Variants in ABTB2 observed in about 807,000 individuals in gnomAD.
The protein encoded by ABTB2 is ankyrin repeat and BTB/POZ domain-containing protein 2.
ABTB2 carries 56 observed loss-of-function variants against 104.1 expected under a neutral mutation model. The ratio of observed to expected loss-of-function variants is 0.54; its 90% CI spans 0.43 to 0.67. The LOEUF (loss-of-function observed/expected upper bound fraction) is 0.67, where lower values mean the gene tolerates loss of function less well. Among genes scored for constraint, ABTB2 ranks in the 30% least tolerant of loss-of-function variants. The pLI, the probability that ABTB2 is intolerant of heterozygous loss-of-function variation, is 0.00. For missense variants in ABTB2, 1,279 were observed against 1,407.7 expected, an observed-to-expected ratio of 0.91 and a Z score of 1.46; for synonymous variants, 606 against 608.2, an observed-to-expected ratio of 1.00 and a Z score of 0.05.
intron 1 of ABTB2, among the ~76,000 whole-genome samples, chr11:34,352,997 G>A (rs1334143523): frequency 6.6e-6 from 1 of 152,208 alleles, no homozygotes; most frequent in African/African-American, 2.4e-5. Flanking sequence ...AGGAGTTCAA[G>A]GTTGCAGTGA....
At chr11:34,327,115 T>C (rs1456086735) in intron 1 of ABTB2, among the ~76,000 whole-genome samples, 5 of 152,078 alleles carry the variant, frequency 3.3e-5, no homozygotes, top group African/African-American at 4.8e-5. Flanking sequence ...TAGGAGATAA[T>C]GGATTATGAG....
At chr11:34,236,884 C>T (rs1274498904) in intron 1 of ABTB2, among the ~76,000 whole-genome samples, 3 of 152,220 alleles carry the variant, frequency 2.0e-5, no homozygotes, top group Non-Finnish European at 4.4e-5. Flanking sequence ...GGGATTCGGA[C>T]TCTATTTTGG....
rs1239067377 is a variant in ABTB2 at position 34,356,945 on chromosome 11, C to T, written c.639G>A (p.Trp213Ter). ...LTFSVGRFFR[W>*]MVDTRISVRI... ...GCACGGAGATTCGGGTGTCCACCAT[C>T]CAGCGGAAAAAGCGACCCACTGAGA... The change falls in exon 1 of 17, where the codon TGG (tryptophan) becomes TGA (stop). Residue 213 changes from tryptophan (W) to a stop codon, truncating the protein, a stop_gained. Coordinates refer to ENST00000435224, the MANE Select transcript of ABTB2 (RefSeq NM_145804.3). LOFTEE classifies it high-confidence loss of function. This position sits in a 1 kb window ranked among gnomAD's most constrained non-coding sequence, Gnocchi z 4.6. The T allele has an allele frequency of 6.2e-7, 1 of 1,600,824 alleles. No individual in the cohort carries two copies.
At chr11:34,231,067 T>C (rs866045243) in intron 1 of ABTB2, among the ~76,000 whole-genome samples, 1 of 151,996 alleles carries the variant, frequency 6.6e-6, no homozygotes, top group African/African-American at 2.4e-5. Context: ...CTTCGAGAAA[T>C]TGACTGATTT....
intron 1 of ABTB2, chr11:34,334,974 T>C (rs1015832899): frequency 1.6e-5 from 8 of 510,244 alleles, no homozygotes; most frequent in African/African-American, 3.8e-5. Flanking sequence ...TAAAATCCCA[T>C]ATCACTTACC....
intron 1 of ABTB2, among the ~76,000 whole-genome samples, chr11:34,340,404 GT>G (rs1177393870): frequency 6.6e-6 from 1 of 152,198 alleles, no homozygotes; most frequent in African/African-American, 2.4e-5. Flanking sequence ...CTGCCAGGTA[GT>G]TTTAGTATAA....
intron 1 of ABTB2, among the ~76,000 whole-genome samples, chr11:34,351,836 G>A (rs1304012271): frequency 2.0e-5 from 3 of 152,100 alleles, no homozygotes; most frequent in Non-Finnish European, 4.4e-5. Flanking sequence ...CTTCCAGCTG[G>A]GGGAGTCAGG....
intron 3 of ABTB2, among the ~76,000 whole-genome samples, chr11:34,193,092 C>T (rs1853201730): frequency 6.6e-6 from 1 of 152,206 alleles, no homozygotes. Flanking sequence ...CCAGCAAGGG[C>T]CACATCTAAC....
At chr11:34,209,568 G>A (rs1853450444) in intron 1 of ABTB2, among the ~76,000 whole-genome samples, 3 of 39,424 alleles carry the variant, frequency 7.6e-5, no homozygotes, top group Admixed American at 3.0e-4. Context: ...AGGGGTGGAG[G>A]GTAGGCGTGG....
rs756328992 is a variant in ABTB2, at chr11:34,159,396, A to G, written c.2607-10T>C. On this transcript the variant is annotated splice_polypyrimidine_tract_variant and intron_variant, in intron 13 of 16. Coordinates refer to ENST00000435224, the MANE Select transcript of ABTB2 (RefSeq NM_145804.3). ...CATTAGTGTCTTGAACCTGGAGCAA[A>G]GGAGACAAAGCAAGGTGGGTTTTGA... 1 of 1,603,674 alleles carries G rather than the reference A, an allele frequency of 6.2e-7. No individual in the cohort carries two copies. The highest frequency in any genetic ancestry group is 8.5e-7 in the Non-Finnish European group (1 of 1,170,538).
At chr11:34,326,210 A>G (rs1855068270) in intron 1 of ABTB2, among the ~76,000 whole-genome samples, 2 of 152,144 alleles carry the variant, frequency 1.3e-5, no homozygotes, top group South Asian at 2.1e-4. Context: ...CTAGGAAAAT[A>G]CCGATTCTAA....
chr11:34,206,421 T>C (rs11032549), intron 1 of ABTB2, among the ~76,000 whole-genome samples: 26,432 of 152,036 alleles, frequency 0.17, 2,538 homozygotes, highest in South Asian at 0.23. Flanking sequence ...GTGTGATGGG[T>C]ACTACTGACT....
At chr11:34,309,976 AGGAAACCC>A (rs1419156701) in intron 1 of ABTB2, among the ~76,000 whole-genome samples, 1 of 152,208 alleles carries the variant, frequency 6.6e-6, no homozygotes. Context: ...TTCAGGTGTC[AGGAAACCC>A]GGATCACTCC....
At chr11:34,225,623 C>T (rs1050428275) in intron 1 of ABTB2, among the ~76,000 whole-genome samples, 2 of 151,834 alleles carry the variant, frequency 1.3e-5, no homozygotes, top group Non-Finnish European at 2.9e-5. Flanking sequence ...GGTGTGGTGG[C>T]ACATGCCTGT....
At chr11:34,197,789 T>G (rs1274453782) in intron 2 of ABTB2, among the ~76,000 whole-genome samples, 12 of 152,294 alleles carry the variant, frequency 7.9e-5, no homozygotes, top group Non-Finnish European at 1.5e-4. Flanking sequence ...CTCCAGAACT[T>G]AGGGTAATTT....
intron 14 of ABTB2, among the ~76,000 whole-genome samples, chr11:34,155,687 A>G (rs1225175811): frequency 6.6e-6 from 1 of 152,178 alleles, no homozygotes; most frequent in Non-Finnish European, 1.5e-5. Context: ...AGAAGTGGGG[A>G]GACAGGCCTG....
intron 1 of ABTB2, among the ~76,000 whole-genome samples, chr11:34,294,496 G>T (rs1002972323): frequency 6.8e-6 from 1 of 147,732 alleles, no homozygotes; most frequent in Non-Finnish European, 1.5e-5. Flanking sequence ...TGCTGACTAC[G>T]GCCAATGCTT....
At chr11:34,196,186 G>A (rs746107686) in intron 3 of ABTB2, among the ~76,000 whole-genome samples, 53 of 152,142 alleles carry the variant, frequency 3.5e-4, no homozygotes, top group Non-Finnish European at 6.8e-4. Context: ...TGTTTGGTAC[G>A]AGTTATAAAA....
chr11:34,322,528 T>C (rs2133111724), intron 1 of ABTB2, among the ~76,000 whole-genome samples: 1 of 151,722 alleles, frequency 6.6e-6, no homozygotes, highest in East Asian at 1.9e-4. Flanking sequence ...TGAACTGAGA[T>C]TGCACCACTG....
Sources: gnomAD v4.1 joint callset for allele counts (sites outside exome capture counted in the v4.1 genomes callset) on GRCh38, gnomAD v4.1.1 for gene constraint, Gnocchi (gnomAD v3.1) non-coding constraint, MANE v1.5 for transcripts, NCBI Gene and HGNC (gene_info 2026-07-23, HGNC 2026-07-21) for gene names.